VGLL4: variants seen among roughly 807,000 people sequenced by gnomAD.
VGLL4 encodes the protein vestigial like family member 4, also known as transcription cofactor vestigial-like protein 4.
In VGLL4, 7 loss-of-function variants were observed where a neutral mutation model predicts 21.0. The ratio of observed to expected loss-of-function variants is 0.33; its 90% CI spans 0.19 to 0.63. The LOEUF is 0.63. VGLL4 is among the 20% of genes least tolerant of loss of function. VGLL4 has a pLI of 0.78. For missense variants in VGLL4, 394 were observed against 425.7 expected, an observed-to-expected ratio of 0.93 and a Z score of 0.66; for synonymous variants, 222 against 173.2, an observed-to-expected ratio of 1.28 and a Z score of -2.21.
intron 2 of VGLL4, among the ~76,000 whole-genome samples, chr3:11,649,786 G>A (rs955156089): frequency 2.6e-5 from 4 of 152,128 alleles, no homozygotes; most frequent in Non-Finnish European, 2.9e-5. Context: ...TACTAATTAT[G>A]TCATATGTCA....
intron 2 of VGLL4, among the ~76,000 whole-genome samples, chr3:11,687,691 C>T (rs1415125023): frequency 6.6e-6 from 1 of 152,170 alleles, no homozygotes; most frequent in Non-Finnish European, 1.5e-5. Context: ...CTCTTATAAC[C>T]AGCTGCCTTA....
At chr3:11,591,433 T>C (rs2074493277) in intron 2 of VGLL4, among the ~76,000 whole-genome samples, 1 of 152,200 alleles carries the variant, frequency 6.6e-6, no homozygotes, top group South Asian at 2.1e-4. Context: ...ATTTCTTCAT[T>C]CTGTGTCGTC....
At chr3:11,708,039 T>C (rs1399329621) in intron 1 of VGLL4, among the ~76,000 whole-genome samples, 3 of 152,156 alleles carry the variant, frequency 2.0e-5, no homozygotes, top group Non-Finnish European at 4.4e-5. Context: ...AGCATCAAAT[T>C]AGCATCAGGA....
chr3:11,604,259 A>C, intron 1 of VGLL4: 2 of 542,786 alleles, frequency 3.7e-6, no homozygotes, highest in Non-Finnish European at 4.5e-6. Flanking sequence ...GAAGGAGCCC[A>C]GGAAGCACGG....
rs373405760 is a variant in VGLL4 at position 11,640,313 on chromosome 3, G to T, written c.82+3124C>A. Reference sequence around the variant, plus strand: ...ACGAGGCTTTCGCCAGTCTAGTAAGGTATTCTCAGGTGTTCAGAGGAGGGA... The same window carrying T: ...ACGAGGCTTTCGCCAGTCTAGTAAGTTATTCTCAGGTGTTCAGAGGAGGGA... On this transcript the variant is annotated intron_variant, in intron 1 of 4. Transcript: ENST00000430365. Among the ~76,000 whole-genome samples, 16 of 152,234 alleles carry T rather than the reference G, an allele frequency of 1.1e-4. 1 individual carries two copies. Among genetic ancestry groups the T allele is most frequent in the African/African-American group, 3.9e-4 (16 of 41,536 alleles).
chr3:11,587,800 C>T (rs942255944), intron 2 of VGLL4, among the ~76,000 whole-genome samples: 1 of 152,052 alleles, frequency 6.6e-6, no homozygotes, highest in Non-Finnish European at 1.5e-5. Flanking sequence ...GATGCATAAG[C>T]AAGAAATACA....
At chr3:11,709,388 G>T (rs1310410074) in intron 1 of VGLL4, among the ~76,000 whole-genome samples, 2 of 143,974 alleles carry the variant, frequency 1.4e-5, no homozygotes, top group Admixed American at 1.4e-4. Context: ...AGTGAGCCGA[G>T]ATTGCACCAT....
upstream of VGLL4, among the ~76,000 whole-genome samples, chr3:11,645,729 T>G (rs555308222): frequency 5.7e-4 from 87 of 152,098 alleles, no homozygotes; most frequent in Admixed American, 9.8e-4. Context: ...CCCAGCACTC[T>G]GGGAGACTGA....
chr3:11,573,367 GAAAGAAAGAAAGAA>G (rs2073928829), intron 2 of VGLL4, among the ~76,000 whole-genome samples: 1 of 134,814 alleles, frequency 7.4e-6, no homozygotes, highest in Non-Finnish European at 1.6e-5. Context: ...AAGAAAGAAA[GAAAGAAAGAAAGAA>G]AGAAAGAAAG....
At chr3:11,647,163 G>A (rs754529594), upstream of VGLL4, among the ~76,000 whole-genome samples, 1 of 152,128 alleles carries the variant, frequency 6.6e-6, no homozygotes, top group Non-Finnish European at 1.5e-5. Context: ...GGCTGGGAGC[G>A]CCTCCTGGAC....
intron 2 of VGLL4, among the ~76,000 whole-genome samples, chr3:11,652,641 G>A (rs959664091): frequency 6.6e-6 from 1 of 152,078 alleles, no homozygotes; most frequent in Non-Finnish European, 1.5e-5. Context: ...GGTTGGTCTC[G>A]AACTCCTGAC....
chr3:11,623,334 G>A (rs1199725026), intron 1 of VGLL4, among the ~76,000 whole-genome samples: 1 of 152,138 alleles, frequency 6.6e-6, no homozygotes, highest in Non-Finnish European at 1.5e-5. Flanking sequence ...ATATACTCAG[G>A]GGATTGGTTC....
intron 1 of VGLL4, among the ~76,000 whole-genome samples, chr3:11,626,025 C>T (rs114422998): frequency 0.014 from 2,056 of 152,210 alleles, 58 homozygotes; most frequent in African/African-American, 0.047. Flanking sequence ...ATAATTTAAA[C>T]GAATGAATGG....
At chr3:11,573,447 A>G (rs757346477) in intron 2 of VGLL4, among the ~76,000 whole-genome samples, 2 of 152,172 alleles carry the variant, frequency 1.3e-5, no homozygotes, top group Non-Finnish European at 2.9e-5. Context: ...GGTGCTGGGG[A>G]CAGGGCTTCT....
At chr3:11,683,114 C>G (rs1046167442) in intron 2 of VGLL4, among the ~76,000 whole-genome samples, 3 of 152,080 alleles carry the variant, frequency 2.0e-5, no homozygotes, top group African/African-American at 7.2e-5. Flanking sequence ...GTAATCCCAG[C>G]TACTCGGGAG....
chr3:11,603,753 C>G (rs2074862790), intron 1 of VGLL4, among the ~76,000 whole-genome samples: 1 of 152,134 alleles, frequency 6.6e-6, no homozygotes, highest in Admixed American at 6.5e-5. Flanking sequence ...GGGCTTGGAC[C>G]CCCGAACTGT....
chr3:11,704,843 C>T (rs2076736575), intron 1 of VGLL4, among the ~76,000 whole-genome samples: 2 of 152,150 alleles, frequency 1.3e-5, no homozygotes, highest in Admixed American at 1.3e-4. Flanking sequence ...GCAAAATGTG[C>T]AAAGCGTCAA....
chr3:11,656,402 C>T (rs762620651), intron 2 of VGLL4, among the ~76,000 whole-genome samples: 19 of 152,150 alleles, frequency 1.2e-4, no homozygotes, highest in Non-Finnish European at 1.9e-4. Flanking sequence ...ATAAGGCCCC[C>T]GGAGGCTAGA....
At chr3:11,586,233 G>A (rs1385631774) in intron 2 of VGLL4, among the ~76,000 whole-genome samples, 1 of 152,174 alleles carries the variant, frequency 6.6e-6, no homozygotes, top group Non-Finnish European at 1.5e-5. Context: ...GCAAATACGG[G>A]CAAATGTTAA....
Sources: gnomAD v4.1 joint callset for allele counts (sites outside exome capture counted in the v4.1 genomes callset) on GRCh38, gnomAD v4.1.1 for gene constraint, MANE v1.5 for transcripts, NCBI Gene and HGNC (gene_info 2026-07-23, HGNC 2026-07-21) for gene names.